NMT2: variants seen among roughly 807,000 people sequenced by gnomAD.
NMT2 encodes glycylpeptide N-tetradecanoyltransferase 2.
In NMT2, 35 loss-of-function variants were observed where a neutral mutation model predicts 65.4. The ratio of observed to expected loss-of-function variants is 0.54; its 90% CI spans 0.41 to 0.71. The LOEUF (loss-of-function observed/expected upper bound fraction) is 0.71. NMT2 is among the 30% of genes least tolerant of loss of function. NMT2 has a pLI of 0.00. For synonymous variants in NMT2, 226 were observed against 231.8 expected (o/e 0.98, Z 0.23); for missense variants, 489 against 611.3 (o/e 0.80, Z 2.11).
At position 15,158,798 on chromosome 10, in the gene NMT2, C is replaced by T. The variant is rs867266454; in HGVS notation, c.110+9705G>A. ...TGGAAGTCCACCAAGATCAGGGTGC[C>T]AGCAGGGTCAGGTTTTTGGTGAGGG... On this transcript the variant is annotated intron_variant, in intron 1 of 11. Transcript: ENST00000378165. 2.0e-5 allele frequency among the ~76,000 whole-genome samples: 3 copies of T among 152,178 alleles called. No individual in the cohort carries two copies. In the South Asian group the frequency reaches 6.2e-4, roughly 32 times the overall value.
rs200831391 is a variant in NMT2 at position 15,112,905 on chromosome 10, A to C, written c.1229T>G (p.Met410Arg). The C allele has an allele frequency of 6.2e-7, 1 of 1,614,164 alleles. No individual in the cohort carries two copies. The highest frequency in any genetic ancestry group is 8.5e-7 in the Non-Finnish European group (1 of 1,180,024). ...LSFYTLPSTVMHHPAHKSLKA... is the reference protein window; with the variant it reads ...LSFYTLPSTVRHHPAHKSLKA... ...GAGGCTCTTGTGAGCAGGGTGGTGC[A>C]TCACCGTGGAGGGGAGCGTATAGAA... is the stretch of plus-strand genomic sequence containing the variant. Residue 410 changes from methionine (M) to arginine (R), a missense_variant, in exon 10 of 12, where the codon ATG (methionine) becomes AGG (arginine). By Grantham distance (91) the Met-to-Arg change is moderately conservative (BLOSUM62 -1). Coordinates refer to ENST00000378165, the MANE Select transcript of NMT2 (RefSeq NM_004808.3).
At chr10:15,120,099 T>G (rs1392305703) in intron 8 of NMT2, among the ~76,000 whole-genome samples, 1 of 152,224 alleles carries the variant, frequency 6.6e-6, no homozygotes, top group Non-Finnish European at 1.5e-5. Context: ...AAAAATGCAG[T>G]GTAACAACTA....
intron 9 of NMT2, among the ~76,000 whole-genome samples, chr10:15,114,922 A>G (rs891285756): frequency 6.6e-6 from 1 of 152,152 alleles, no homozygotes; most frequent in Non-Finnish European, 1.5e-5. Context: ...GAATTGCTTG[A>G]ACCCAAGAGG....
At chr10:15,128,209 G>A (rs74125520) in intron 8 of NMT2, 141 bp downstream of exon 8, 14,014 of 636,492 alleles carry the variant, frequency 0.022, 271 homozygotes, top group African/African-American at 0.071. Context: ...CCTAGCTCCC[G>A]AGTTCCATGA....
At chr10:15,158,348 T>C (rs377622798) in intron 1 of NMT2, among the ~76,000 whole-genome samples, 4 of 151,190 alleles carry the variant, frequency 2.6e-5, no homozygotes, top group African/African-American at 7.3e-5. Context: ...CATAAGCATA[T>C]GCCAAGAGGT....
intron 8 of NMT2, among the ~76,000 whole-genome samples, chr10:15,120,166 G>A (rs1293017743): frequency 2.0e-5 from 3 of 152,162 alleles, no homozygotes; most frequent in Non-Finnish European, 1.5e-5. Flanking sequence ...ATGATTTAAA[G>A]TATACAGGAC....
intron 1 of NMT2, among the ~76,000 whole-genome samples, chr10:15,156,185 G>C (rs1385288931): frequency 1.3e-5 from 2 of 152,142 alleles, no homozygotes; most frequent in East Asian, 3.9e-4. Context: ...TGTGTTATGG[G>C]AGGGACCTGG....
rs1845446188 is a variant in NMT2 at position 15,109,792 on chromosome 10, T to C, written c.1386A>G (p.Thr462=). The C allele has an allele frequency of 2.5e-6, 4 of 1,613,562 alleles. No homozygotes were observed. Among genetic ancestry groups the C allele is most frequent in the East Asian group, 2.2e-5 (1 of 44,804 alleles). Residue 462 remains threonine (T), a synonymous_variant, in exon 11 of 12, where the codon ACA becomes ACG. Transcript: ENST00000378165. ...TACCAAACTTGAGTTTTTCCAAGAATGTCTTATTTTCCATCAAATCCAGTG... is the reference window on the plus strand; with the variant it reads ...TACCAAACTTGAGTTTTTCCAAGAACGTCTTATTTTCCATCAAATCCAGTG... ...FNALDLMENK[T]FLEKLKFGIG...
chr10:15,157,327 A>C (rs1833036939), intron 1 of NMT2, among the ~76,000 whole-genome samples: 1 of 152,166 alleles, frequency 6.6e-6, no homozygotes, highest in Non-Finnish European at 1.5e-5. Context: ...CCACTAACTT[A>C]CTCAAAGCAT....
chr10:15,168,471 T>C (rs1232454790), intron 1 of NMT2, 32 bp downstream of exon 1: 1 of 1,523,378 alleles, frequency 6.6e-7, no homozygotes, highest in South Asian at 1.1e-5. Context: ...CCCCGCCCTG[T>C]CGCGCCCGGT....
At chr10:15,152,063 C>G (rs551728214) in intron 1 of NMT2, among the ~76,000 whole-genome samples, 13 of 152,244 alleles carry the variant, frequency 8.5e-5, no homozygotes, top group Non-Finnish European at 1.5e-5. Context: ...TTGTAATACT[C>G]AAACGTAGAA....
intron 9 of NMT2, among the ~76,000 whole-genome samples, chr10:15,115,003 A>C (rs1845698755): frequency 6.6e-6 from 1 of 151,956 alleles, no homozygotes; most frequent in South Asian, 2.1e-4. Flanking sequence ...CACTGTCTCC[A>C]AAAAAAATTA....
intron 10 of NMT2, among the ~76,000 whole-genome samples, chr10:15,110,254 CAG>C (rs1420197701): frequency 6.6e-6 from 1 of 151,762 alleles, no homozygotes; most frequent in Admixed American, 6.6e-5. Flanking sequence ...GCCTGAGCGA[CAG>C]AGTGAGACTT....
At chr10:15,118,781 A>C (rs942237268) in intron 9 of NMT2, among the ~76,000 whole-genome samples, 1 of 152,194 alleles carries the variant, frequency 6.6e-6, no homozygotes, top group African/African-American at 2.4e-5. Context: ...GGATGCAAGG[A>C]AACAGGAACT....
At chr10:15,159,910 T>G (rs1833130495) in intron 1 of NMT2, among the ~76,000 whole-genome samples, 1 of 152,250 alleles carries the variant, frequency 6.6e-6, no homozygotes, top group East Asian at 1.9e-4. Flanking sequence ...TGAGAGCAAC[T>G]GGGAAAGATG....
In NMT2 at chr10:15,132,904, T is replaced by C. The variant is rs770716516; in HGVS notation, c.632A>G (p.Gln211Arg). ...AGACACTCTGACCCCACAGTGCCAC[T>C]GCAGGAGCCAGCCTGGTGGACGCAG... ...WALRPPGWLL[Q>R]WHCGVRVSSN... The change falls in exon 6 of 12, where the codon CAG becomes CGG. Residue 211 changes from glutamine to arginine, a missense_variant. By Grantham distance (43) the Gln-to-Arg change is conservative. Transcript: ENST00000378165. The C allele has an allele frequency of 1.4e-5, 23 of 1,613,730 alleles. No homozygotes were observed. Among genetic ancestry groups the C allele is most frequent in the East Asian group, 2.2e-5 (1 of 44,884 alleles).
At chr10:15,110,324 T>C (rs556734853) in intron 10 of NMT2, among the ~76,000 whole-genome samples, 9 of 151,048 alleles carry the variant, frequency 6.0e-5, no homozygotes, top group Admixed American at 1.3e-4. Flanking sequence ...CTTATAAAAC[T>C]AGCAGTGTGG....
chr10:15,122,108 A>T (rs994204455), intron 8 of NMT2, among the ~76,000 whole-genome samples: 3 of 152,212 alleles, frequency 2.0e-5, no homozygotes, highest in Non-Finnish European at 4.4e-5. Context: ...TATGAGGCAG[A>T]CTTAGCTTGA....
rs1376130264 is a variant in NMT2, at chr10:15,117,885, G to A, written c.1170+1458C>T. Among the ~76,000 whole-genome samples, 7 of 152,290 alleles carry A rather than the reference G, an allele frequency of 4.6e-5. No individual in the cohort carries two copies. The South Asian group carries it at 6.2e-4, about 14-fold the overall frequency. On this transcript the variant is annotated intron_variant, in intron 9 of 11. Transcript: ENST00000378165. ...CTGATAAAAGAGATTTTAAAAGACC[G>A]AAATAAATGTAGAGACATTCCATGT...
Sources: gnomAD v4.1 joint callset for allele counts (sites outside exome capture counted in the v4.1 genomes callset) on GRCh38, gnomAD v4.1.1 for gene constraint, MANE v1.5 for transcripts, NCBI Gene and HGNC (gene_info 2026-07-23, HGNC 2026-07-21) for gene names.